The following EML5 variants were observed in gnomAD, a reference collection of about 807,000 sequenced individuals.
EML5 encodes EMAP like 5.
In EML5, 120 loss-of-function variants were observed where a neutral mutation model predicts 250.0. That is an observed-to-expected ratio of 0.48 (90% CI 0.41 to 0.56). The LOEUF is 0.56. EML5 is among the 20% of genes least tolerant of loss of function. EML5 has a pLI of 0.00. For missense variants in EML5, 2,006 were observed against 2,437.6 expected, an observed-to-expected ratio of 0.82 and a Z score of 3.73; for synonymous variants, 771 against 806.5, an observed-to-expected ratio of 0.96 and a Z score of 0.75.
rs531890215 is a variant in EML5, at chr14:88,751,397, T to C, written c.357+3115A>G. Among the ~76,000 whole-genome samples the C allele has an allele frequency of 2.0e-5, 3 of 152,230 alleles. No homozygotes were observed. The South Asian group carries it at 6.2e-4, about 32-fold the overall frequency. On this transcript the variant is annotated intron_variant, in intron 2 of 43. Coordinates refer to ENST00000554922, the MANE Select transcript of EML5 (RefSeq NM_183387.3). ...AAGGACCTCAAGATTAGAGAGATCA[T>C]GGTGCTTTCAAGAGAGTGCCAGTAA... is the stretch of plus-strand genomic sequence containing the variant.
intron 10 of EML5, among the ~76,000 whole-genome samples, chr14:88,707,178 ATGG>A (rs1459968212): frequency 6.6e-6 from 1 of 152,176 alleles, no homozygotes; most frequent in African/African-American, 2.4e-5. Flanking sequence ...TCATTTGGCT[ATGG>A]TGGTATACAC....
At chr14:88,759,038 T>A (rs2094201386) in intron 1 of EML5, among the ~76,000 whole-genome samples, 1 of 152,166 alleles carries the variant, frequency 6.6e-6, no homozygotes, top group Admixed American at 6.5e-5. Flanking sequence ...GCTTGGGAAT[T>A]TTTTAGGGGT....
At chr14:88,740,313 T>A in intron 5 of EML5, 74 bp downstream of exon 5, 1 of 1,271,258 alleles carries the variant, frequency 7.9e-7, no homozygotes, top group Non-Finnish European at 1.1e-6. Flanking sequence ...ATATACTATA[T>A]TACGCAGTCT....
chr14:88,642,416 T>A (rs1012997184), intron 31 of EML5, among the ~76,000 whole-genome samples: 1 of 152,184 alleles, frequency 6.6e-6, no homozygotes, highest in Non-Finnish European at 1.5e-5. Flanking sequence ...GGTATCATCA[T>A]AGAGCCACAG....
intron 30 of EML5, 66 bp downstream of exon 30, chr14:88,644,367 T>G: frequency 7.0e-7 from 1 of 1,432,754 alleles, no homozygotes; most frequent in Non-Finnish European, 9.7e-7. Flanking sequence ...ATGACAAAAC[T>G]TGGGTGTTTT....
intron 31 of EML5, among the ~76,000 whole-genome samples, chr14:88,639,150 T>C (rs943852481): frequency 3.3e-5 from 5 of 151,684 alleles, no homozygotes; most frequent in Non-Finnish European, 7.4e-5. Flanking sequence ...CACAAGAGAG[T>C]TGGGATCAAA....
At chr14:88,775,323 A>G (rs958423764) in intron 1 of EML5, among the ~76,000 whole-genome samples, 5 of 152,168 alleles carry the variant, frequency 3.3e-5, no homozygotes, top group African/African-American at 1.2e-4. Flanking sequence ...TGGGTCCCCA[A>G]TTCCAGAACC....
In EML5 at chr14:88,726,150, G is replaced by A. The variant is rs994173703; in HGVS notation, c.1187+391C>T. ...GAAGCATTTTTTAAAGCATAAGGCT[G>A]TAAATAACAACAACAACAACAACAA... On this transcript the variant is annotated intron_variant, in intron 8 of 43. Coordinates refer to ENST00000554922, the MANE Select transcript of EML5 (RefSeq NM_183387.3). 3.3e-5 allele frequency among the ~76,000 whole-genome samples: 5 copies of A among 152,068 alleles called. No individual in the cohort carries two copies. The East Asian group carries it at 5.8e-4, about 18-fold the overall frequency.
chr14:88,776,412 G>C (rs1264201872), intron 1 of EML5, among the ~76,000 whole-genome samples: 1 of 151,996 alleles, frequency 6.6e-6, no homozygotes, highest in Non-Finnish European at 1.5e-5. Flanking sequence ...AAATTTAACA[G>C]AGACTGAAAT....
intron 21 of EML5, among the ~76,000 whole-genome samples, chr14:88,670,767 T>C (rs998712584): frequency 6.6e-6 from 1 of 151,486 alleles, no homozygotes; most frequent in African/African-American, 2.4e-5. Flanking sequence ...AATGTTACAA[T>C]GCAACCACAA....
chr14:88,665,224 G>C (rs1189405645), intron 22 of EML5, 113 bp downstream of exon 22: 1 of 1,193,782 alleles, frequency 8.4e-7, no homozygotes, highest in Admixed American at 2.9e-5. Context: ...GCCTCTTCTA[G>C]TAAAAAAGTT....
At chr14:88,660,543 C>T (rs1003718520) in intron 25 of EML5, among the ~76,000 whole-genome samples, 13 of 151,912 alleles carry the variant, frequency 8.6e-5, no homozygotes, top group African/African-American at 2.9e-4. Flanking sequence ...GAGTTTGAGA[C>T]CAGCCTGACC....
At chr14:88,698,632 C>T (rs2141377316) in intron 14 of EML5, among the ~76,000 whole-genome samples, 1 of 152,216 alleles carries the variant, frequency 6.6e-6, no homozygotes, top group Admixed American at 6.5e-5. Flanking sequence ...AAACCTCTCC[C>T]AAGGTGGTCT....
At chr14:88,783,225 C>T (rs2094515957) in intron 1 of EML5, among the ~76,000 whole-genome samples, 1 of 152,290 alleles carries the variant, frequency 6.6e-6, no homozygotes, top group Non-Finnish European at 1.5e-5. Flanking sequence ...CCCCCACACA[C>T]AAATGTGGGG....
chr14:88,708,316 TTC>T (rs2093351172), intron 10 of EML5, among the ~76,000 whole-genome samples: 1 of 152,136 alleles, frequency 6.6e-6, no homozygotes, highest in Non-Finnish European at 1.5e-5. Context: ...GCTTCCAGAA[TTC>T]TCTGTGATTA....
rs569668808 is a variant in EML5, at chr14:88,668,937, C to G, written c.3125-3448G>C. On this transcript the variant is annotated intron_variant, in intron 21 of 43. Transcript: ENST00000554922. ...GGTCAGAGGCTCCCACCAAGAAGACCGAAAACGGCAAGTGAATCCTGCACC... is the reference window on the plus strand; with the variant it reads ...GGTCAGAGGCTCCCACCAAGAAGACGGAAAACGGCAAGTGAATCCTGCACC... Among the ~76,000 whole-genome samples, 3 of 151,980 alleles carry G rather than the reference C, an allele frequency of 2.0e-5. 1 individual carries two copies. The highest frequency in any genetic ancestry group is 7.2e-5 in the African/African-American group (3 of 41,442).
At chr14:88,693,775 T>G (rs973020121) in intron 17 of EML5, among the ~76,000 whole-genome samples, 11 of 141,280 alleles carry the variant, frequency 7.8e-5, no homozygotes, top group African/African-American at 2.7e-4. Flanking sequence ...TTTTTTTTTT[T>G]TTTTTTTTTT....
chr14:88,638,766 G>A lies in EML5; in HGVS notation c.4336+43C>T, dbSNP rs892295406. 2.1e-6 allele frequency: 3 copies of A among 1,453,512 alleles called. No homozygotes were observed. The African/African-American group carries it at 4.3e-5, about 21-fold the overall frequency. 90.0% of individuals were successfully genotyped at this position (1,453,512 alleles called of 1,614,324 possible). A position where few individuals can be genotyped will look rare whatever the true frequency, so the allele number is the denominator to read the frequency against. On this transcript the variant is annotated intron_variant, in intron 32 of 43. Coordinates refer to ENST00000554922, the MANE Select transcript of EML5 (RefSeq NM_183387.3). ...TGGATATTGAATTTATTTGAACAAA[G>A]CAAATGCTTTAAATTGTTTCTTTTT...
intron 2 of EML5, among the ~76,000 whole-genome samples, chr14:88,750,544 T>C (rs1309047275): frequency 6.6e-6 from 1 of 152,154 alleles, no homozygotes; most frequent in Non-Finnish European, 1.5e-5. Context: ...CATCATATTA[T>C]TATTATTACT....
Sources: gnomAD v4.1 joint callset for allele counts (sites outside exome capture counted in the v4.1 genomes callset) on GRCh38, gnomAD v4.1.1 for gene constraint, MANE v1.5 for transcripts, NCBI Gene and HGNC (gene_info 2026-07-23, HGNC 2026-07-21) for gene names.